ARB2A: variants seen among roughly 807,000 people sequenced by gnomAD.
The protein encoded by ARB2A is ARB2 cotranscriptional regulator A, also known as cotranscriptional regulator ARB2A.
At chr5:94,000,132 GT>G in the ARB2A span, among the ~76,000 whole-genome samples, 4 of 152,076 alleles carry the variant, frequency 2.6e-5, no homozygotes, top group Non-Finnish European at 5.9e-5. Context: ...AAACATCCAT[GT>G]GCAGGTTTTC....
chr5:93,664,864 T>C, the ARB2A span, among the ~76,000 whole-genome samples: 1 of 152,084 alleles, frequency 6.6e-6, no homozygotes, highest in Non-Finnish European at 1.5e-5. Flanking sequence ...TCTCGCTCTG[T>C]CACCCAGGCT....
chr5:93,958,952 C>T, the ARB2A span: 8,840 of 1,589,932 alleles, frequency 5.6e-3, 382 homozygotes, highest in African/African-American at 0.1. Flanking sequence ...CTTTGGTTCA[C>T]TCTCAGTGGC....
At chr5:93,624,791 T>C in the ARB2A span, among the ~76,000 whole-genome samples, 4 of 152,182 alleles carry the variant, frequency 2.6e-5, no homozygotes, top group Non-Finnish European at 4.4e-5. Flanking sequence ...TTGTTCTGCA[T>C]CCCACATGAT....
the ARB2A span, among the ~76,000 whole-genome samples, chr5:93,636,198 G>C: frequency 6.6e-6 from 1 of 152,316 alleles, no homozygotes; most frequent in Non-Finnish European, 1.5e-5. Flanking sequence ...CCACTAGAAA[G>C]AGGAAGGAAG....
chr5:93,993,286 C>A, the ARB2A span, among the ~76,000 whole-genome samples: 15 of 152,044 alleles, frequency 9.9e-5, no homozygotes, highest in African/African-American at 3.4e-4. Context: ...AGAGAGACAG[C>A]TGTTTTTTTA....
chr5:94,095,555 C>A, the ARB2A span, among the ~76,000 whole-genome samples: 2 of 151,754 alleles, frequency 1.3e-5, no homozygotes, highest in South Asian at 4.2e-4. Context: ...TTAGTTTTTA[C>A]AAACATTAGA....
the ARB2A span, among the ~76,000 whole-genome samples, chr5:93,651,352 T>A: frequency 6.6e-6 from 1 of 152,036 alleles, no homozygotes; most frequent in Admixed American, 6.6e-5. Context: ...CCTAGGCTGG[T>A]CTCAAACTCC....
the ARB2A span, among the ~76,000 whole-genome samples, chr5:94,054,455 A>G: frequency 6.6e-6 from 1 of 152,086 alleles, no homozygotes; most frequent in Non-Finnish European, 1.5e-5. Context: ...GTTTCTGCTT[A>G]TGATTAGACT....
the ARB2A span, chr5:94,053,144 C>A: frequency 6.3e-7 from 1 of 1,589,494 alleles, no homozygotes; most frequent in Non-Finnish European, 8.6e-7. Context: ...AAAGCATATT[C>A]AAATCCTTCC....
At chr5:93,764,518 A>G in the ARB2A span, among the ~76,000 whole-genome samples, 3 of 152,234 alleles carry the variant, frequency 2.0e-5, no homozygotes, top group East Asian at 5.8e-4. Context: ...GAATCTCTGA[A>G]TAGACCAATA....
chr5:93,842,929 T>G, the ARB2A span, among the ~76,000 whole-genome samples: 35 of 152,204 alleles, frequency 2.3e-4, no homozygotes, highest in Non-Finnish European at 3.4e-4. Flanking sequence ...GAATGTGGAA[T>G]GTAGTTACCT....
At chr5:94,074,554 T>C in the ARB2A span, 1 of 948,752 alleles carries the variant, frequency 1.1e-6, no homozygotes, top group East Asian at 2.6e-5. Flanking sequence ...ATTCTTATTT[T>C]AGATTTGAAA....
At chr5:93,923,037 CT>C in the ARB2A span, among the ~76,000 whole-genome samples, 1 of 152,182 alleles carries the variant, frequency 6.6e-6, no homozygotes, top group South Asian at 2.1e-4. Context: ...TCCTGCACCT[CT>C]TTTGCCTCTG....
the ARB2A span, among the ~76,000 whole-genome samples, chr5:94,016,062 A>T: frequency 6.6e-6 from 1 of 152,214 alleles, no homozygotes; most frequent in Non-Finnish European, 1.5e-5. Flanking sequence ...ACCTATAAAG[A>T]CACACAGACT....
the ARB2A span, among the ~76,000 whole-genome samples, chr5:93,860,254 C>T: frequency 2.2e-3 from 331 of 152,214 alleles, 5 homozygotes; most frequent in African/African-American, 7.5e-3. Flanking sequence ...GATCGTGCCA[C>T]TGCACTCCAG....
the ARB2A span, among the ~76,000 whole-genome samples, chr5:94,109,911 G>A: frequency 8.0e-6 from 1 of 124,806 alleles, no homozygotes; most frequent in Admixed American, 9.5e-5. Flanking sequence ...TGGAGACGGA[G>A]TCTCGATCTG....
chr5:93,874,249 G>A, the ARB2A span, among the ~76,000 whole-genome samples: 1 of 152,136 alleles, frequency 6.6e-6, no homozygotes, highest in Non-Finnish European at 1.5e-5. Context: ...AAGCTCATGA[G>A]TCATAGAGTG....
the ARB2A span, among the ~76,000 whole-genome samples, chr5:93,765,245 A>G: frequency 1.3e-4 from 20 of 152,186 alleles, no homozygotes; most frequent in African/African-American, 4.8e-4. Context: ...GGAAAAGAGG[A>G]AGTCAAATTG....
the ARB2A span, among the ~76,000 whole-genome samples, chr5:93,967,919 AG>A: frequency 6.6e-6 from 1 of 152,230 alleles, no homozygotes; most frequent in Non-Finnish European, 1.5e-5. Context: ...ATAAAATACC[AG>A]GGGATTACAG....
Sources: gnomAD v4.1 joint callset for allele counts (sites outside exome capture counted in the v4.1 genomes callset) on GRCh38, gnomAD v4.1.1 for gene constraint, MANE v1.5 for transcripts, NCBI Gene and HGNC (gene_info 2026-07-23, HGNC 2026-07-21) for gene names.